Variants in ZC3H12B observed in about 807,000 individuals in gnomAD.
ZC3H12B encodes the protein zinc finger CCCH-type containing 12B.
In ZC3H12B, 7 loss-of-function variants were observed where a neutral mutation model predicts 43.9. The observed-to-expected ratio is 0.16, with a 90% CI of 0.09 to 0.30. ZC3H12B has a LOEUF of 0.30. Ranked by LOEUF, ZC3H12B falls within the 10% of genes least tolerant of loss-of-function variation. ZC3H12B has a pLI of 1.00. For missense variants in ZC3H12B, 475 were observed against 670.2 expected, an observed-to-expected ratio of 0.71 and a Z score of 3.22; for synonymous variants, 222 against 241.7, an observed-to-expected ratio of 0.92 and a Z score of 0.76.
At chrX:65,436,477 T>C (rs1265218470) in intron 3 of ZC3H12B, among the ~76,000 whole-genome samples, 1 of 112,530 alleles carries the variant, frequency 8.9e-6, no homozygotes, top group African/African-American at 3.2e-5. Context: ...GGATCTTCCT[T>C]CCTCAGCCCA....
intron 1 of ZC3H12B, among the ~76,000 whole-genome samples, chrX:65,494,373 A>G (rs1433032082): frequency 9.0e-6 from 1 of 110,687 alleles, no homozygotes; most frequent in East Asian, 2.8e-4. Flanking sequence ...CAGCTTCCCA[A>G]GTAGCTAGGA....
At chrX:65,452,438 GA>G (rs778151005) in intron 3 of ZC3H12B, among the ~76,000 whole-genome samples, 84 of 93,160 alleles carry the variant, frequency 9.0e-4, no homozygotes, top group South Asian at 9.5e-4. Flanking sequence ...TACAATAGCT[GA>G]AAAAAAAAAA....
At chrX:65,501,854 C>T in exon 5 of ZC3H12B, 3 of 1,202,194 alleles carry the variant, frequency 2.5e-6, no homozygotes, top group South Asian at 1.8e-5. Context: ...CCAACCCCAG[C>T]GTTCGGTGGC....
chrX:65,383,276 C>T (rs184163456), intron 2 of ZC3H12B, among the ~76,000 whole-genome samples: 22 of 111,648 alleles, frequency 2.0e-4, no homozygotes, highest in Admixed American at 5.7e-4. Context: ...TGGAACAGAA[C>T]AGAGACATCA....
intron 3 of ZC3H12B, among the ~76,000 whole-genome samples, chrX:65,414,444 G>C (rs2066937901): frequency 9.0e-6 from 1 of 111,221 alleles, no homozygotes; most frequent in South Asian, 3.8e-4. Context: ...TTGCCTTCTT[G>C]ATTTTTTGTC....
the ZC3H12B span, among the ~76,000 whole-genome samples, chrX:65,321,826 G>T: frequency 9.0e-6 from 1 of 111,142 alleles, no homozygotes; most frequent in Non-Finnish European, 1.9e-5. Flanking sequence ...TCACTTTTAA[G>T]TGGGAGCTAA....
chrX:65,086,007 A>C, the ZC3H12B span, among the ~76,000 whole-genome samples: 5 of 109,815 alleles, frequency 4.6e-5, no homozygotes, highest in African/African-American at 1.7e-4. Context: ...TCTAATCCTC[A>C]GATCTTAATT....
chrX:65,122,536 A>G, the ZC3H12B span, among the ~76,000 whole-genome samples: 4 of 111,523 alleles, frequency 3.6e-5, no homozygotes, highest in Admixed American at 3.8e-4. Context: ...ACATAACATT[A>G]TTAACCTTAA....
the ZC3H12B span, among the ~76,000 whole-genome samples, chrX:65,130,857 C>G: frequency 2.7e-5 from 3 of 111,781 alleles, no homozygotes; most frequent in Non-Finnish European, 3.8e-5. Flanking sequence ...GGAATGCTAG[C>G]TGCTTTTTTA....
At chrX:65,064,639 C>G in the ZC3H12B span, among the ~76,000 whole-genome samples, 4 of 111,665 alleles carry the variant, frequency 3.6e-5, no homozygotes, top group African/African-American at 9.8e-5. Flanking sequence ...GGTGGAGAGT[C>G]TGTAGATGTC....
chrX:65,157,765 CT>C, the ZC3H12B span, among the ~76,000 whole-genome samples: 6 of 107,416 alleles, frequency 5.6e-5, no homozygotes, highest in East Asian at 1.2e-3. Flanking sequence ...TTTCCCTTTT[CT>C]TTTTTTTATT....
the ZC3H12B span, among the ~76,000 whole-genome samples, chrX:65,292,809 A>T: frequency 1.8e-5 from 2 of 110,388 alleles, no homozygotes; most frequent in African/African-American, 6.6e-5. Context: ...ACATAGCAAG[A>T]CTTTGTCTCT....
chrX:65,430,218 G>A (rs1242947035), intron 3 of ZC3H12B, among the ~76,000 whole-genome samples: 2 of 111,567 alleles, frequency 1.8e-5, no homozygotes. Context: ...AGTCCACACA[G>A]ATCTGTGTGT....
At chrX:65,143,034 TGAA>T in the ZC3H12B span, among the ~76,000 whole-genome samples, 3 of 111,112 alleles carry the variant, frequency 2.7e-5, no homozygotes, top group Non-Finnish European at 5.7e-5. Flanking sequence ...TCTAATTCTG[TGAA>T]GAATAATGGT....
At chrX:65,169,725 G>T in the ZC3H12B span, among the ~76,000 whole-genome samples, 1 of 111,777 alleles carries the variant, frequency 8.9e-6, no homozygotes, top group Non-Finnish European at 1.9e-5. Context: ...TTCCTGTATT[G>T]GGTGCATATA....
At chrX:65,069,295 G>A in the ZC3H12B span, among the ~76,000 whole-genome samples, 6 of 104,658 alleles carry the variant, frequency 5.7e-5, no homozygotes, top group Admixed American at 1.1e-4. Context: ...TCTAGATCTC[G>A]TAGGCGTGCT....
At chrX:65,442,322 C>T (rs1460067400) in intron 3 of ZC3H12B, among the ~76,000 whole-genome samples, 3 of 110,765 alleles carry the variant, frequency 2.7e-5, no homozygotes, top group Admixed American at 9.7e-5. Context: ...AATCTGAAAT[C>T]ATCTTTTTAA....
the ZC3H12B span, among the ~76,000 whole-genome samples, chrX:65,303,608 G>T: frequency 9.0e-6 from 1 of 111,704 alleles, no homozygotes; most frequent in African/African-American, 3.2e-5. Flanking sequence ...ATGCTATCCT[G>T]CTTAGGTCTG....
the ZC3H12B span, among the ~76,000 whole-genome samples, chrX:65,188,405 G>C: frequency 1.0e-5 from 1 of 96,251 alleles, no homozygotes; most frequent in East Asian, 3.3e-4. Context: ...ATTATTCATA[G>C]CGGTTTTACT....
Sources: allele counts gnomAD v4.1 joint callset (sites outside exome capture counted in the v4.1 genomes callset), GRCh38; gene constraint gnomAD v4.1.1; transcripts MANE v1.5; gene names NCBI Gene and HGNC (gene_info 2026-07-23, HGNC 2026-07-21).